The following ZFYVE28 variants were observed in gnomAD, a reference collection of about 807,000 sequenced individuals.
The protein encoded by ZFYVE28 is lateral signaling target protein 2 homolog.
Under a neutral mutation model 82.1 loss-of-function variants are expected in ZFYVE28, and 40 were observed. The observed-to-expected ratio is 0.49, with a 90% CI of 0.38 to 0.63. ZFYVE28 has a LOEUF of 0.63. Ranked by LOEUF, ZFYVE28 falls within the 30% of genes least tolerant of loss-of-function variation. The pLI is 0.00. For missense variants in ZFYVE28, 1,321 were observed against 1,242.1 expected, an observed-to-expected ratio of 1.06 and a Z score of -0.96; for synonymous variants, 612 against 546.1, an observed-to-expected ratio of 1.12 and a Z score of -1.68.
At chr4:2,273,058 G>T (rs1488339026) in intron 10 of ZFYVE28, 115 bp downstream of exon 10, 4 of 845,970 alleles carry the variant, frequency 4.7e-6, no homozygotes, top group African/African-American at 1.7e-5. Context: ...CGATTGCTTG[G>T]TCGGGACCCT....
intron 2 of ZFYVE28, among the ~76,000 whole-genome samples, chr4:2,347,853 A>G (rs1723815762): frequency 6.6e-6 from 1 of 152,142 alleles, no homozygotes. Context: ...TTGCCACATT[A>G]AGAAACTATA....
intron 8 of ZFYVE28, among the ~76,000 whole-genome samples, chr4:2,281,961 C>T (rs1175190946): frequency 2.6e-5 from 4 of 152,126 alleles, no homozygotes; most frequent in South Asian, 2.1e-4. Flanking sequence ...GGGAACAGTA[C>T]GGGTGAGATA....
chr4:2,360,466 AAGCTG>A (rs1471529877), intron 1 of ZFYVE28, among the ~76,000 whole-genome samples: 1 of 151,768 alleles, frequency 6.6e-6, no homozygotes, highest in Admixed American at 6.6e-5. Flanking sequence ...GCTATTTGAA[AAGCTG>A]AGTTAGCCCC....
intron 1 of ZFYVE28, among the ~76,000 whole-genome samples, chr4:2,400,004 C>G (rs1018316557): frequency 6.6e-6 from 1 of 152,232 alleles, no homozygotes; most frequent in Admixed American, 6.5e-5. Flanking sequence ...CCACGCAGCA[C>G]GCACAGGGCG....
chr4:2,298,796 G>A (rs557368291), intron 8 of ZFYVE28, among the ~76,000 whole-genome samples: 23 of 152,204 alleles, frequency 1.5e-4, no homozygotes, highest in African/African-American at 5.5e-4. Flanking sequence ...AGCCTTGACC[G>A]TGTGTCAGGA....
At chr4:2,388,552 C>CA (rs1206370247) in intron 1 of ZFYVE28, among the ~76,000 whole-genome samples, 1 of 152,228 alleles carries the variant, frequency 6.6e-6, no homozygotes, top group African/African-American at 2.4e-5. Context: ...CCCACCCAGG[C>CA]AGCCTCTTTC....
intron 7 of ZFYVE28, among the ~76,000 whole-genome samples, chr4:2,318,547 C>G (rs1196981834): frequency 6.6e-6 from 1 of 152,230 alleles, no homozygotes; most frequent in Non-Finnish European, 1.5e-5. Context: ...GATAAGTCCT[C>G]AAACCCTGAC....
chr4:2,369,850 CTTTTTTTTT>C (rs1408650676), intron 1 of ZFYVE28, among the ~76,000 whole-genome samples: 2 of 61,032 alleles, frequency 3.3e-5, no homozygotes, highest in African/African-American at 1.2e-4. Flanking sequence ...TTTTTCTTTT[CTTTTTTTTT>C]TTTTTTTTTT....
At chr4:2,400,070 C>A (rs764567032) in intron 1 of ZFYVE28, among the ~76,000 whole-genome samples, 1 of 152,206 alleles carries the variant, frequency 6.6e-6, no homozygotes, top group Admixed American at 6.5e-5. Flanking sequence ...GGTCCTTCCC[C>A]GGAGCTCCTC....
chr4:2,306,007 C>T (rs1716517929), intron 7 of ZFYVE28, among the ~76,000 whole-genome samples: 1 of 152,258 alleles, frequency 6.6e-6, no homozygotes. Context: ...GTGGACTTAG[C>T]CTGCAGTTGG....
At chr4:2,296,701 C>A (rs1291987114) in intron 8 of ZFYVE28, among the ~76,000 whole-genome samples, 1 of 152,108 alleles carries the variant, frequency 6.6e-6, no homozygotes, top group African/African-American at 2.4e-5. Context: ...TGTGAGCCTC[C>A]CAGTGAGGGG....
chr4:2,343,442 G>A (rs962046188), intron 2 of ZFYVE28: 1 of 152,108 alleles, frequency 6.6e-6, no homozygotes, highest in Non-Finnish European at 1.5e-5. Flanking sequence ...AAACTCTGAA[G>A]GAAATTCTGC....
At chr4:2,390,417 C>G (rs992063214) in intron 1 of ZFYVE28, among the ~76,000 whole-genome samples, 1 of 152,178 alleles carries the variant, frequency 6.6e-6, no homozygotes, top group African/African-American at 2.4e-5. Flanking sequence ...AGGGCCACCA[C>G]AGGGAGCCCC....
chr4:2,360,529 C>CCAAGTTTCCCA (rs1261073290), intron 1 of ZFYVE28, among the ~76,000 whole-genome samples: 2 of 151,992 alleles, frequency 1.3e-5, no homozygotes, highest in Non-Finnish European at 2.9e-5. Context: ...GAGGAAGAGG[C>CCAAGTTTCCCA]CAAGTTTCCC....
At chr4:2,308,920 G>C (rs1205305580) in intron 7 of ZFYVE28, among the ~76,000 whole-genome samples, 1 of 152,080 alleles carries the variant, frequency 6.6e-6, no homozygotes, top group Admixed American at 6.5e-5. Flanking sequence ...AAAAATTTAT[G>C]GTAATAACAT....
intron 6 of ZFYVE28, among the ~76,000 whole-genome samples, chr4:2,322,335 G>A (rs894196488): frequency 1.3e-5 from 2 of 152,234 alleles, no homozygotes; most frequent in African/African-American, 4.8e-5. Flanking sequence ...GCCAGAAACG[G>A]TGGGTCCAAT....
chr4:2,417,720 A>G lies in ZFYVE28; in HGVS notation c.39+565T>C, dbSNP rs1420118402. 2.0e-5 allele frequency among the ~76,000 whole-genome samples: 3 copies of G among 151,938 alleles called. No individual in the cohort carries two copies. The highest frequency in any genetic ancestry group is 7.3e-5 in the African/African-American group (3 of 41,334). ...CATCAGGATCCTCTCTGGACATGGA[A>G]GGACGGGTCTGCCCTGGACCCAGGG... On this transcript the variant is annotated intron_variant, in intron 1 of 12. Coordinates refer to ENST00000290974, the MANE Select transcript of ZFYVE28 (RefSeq NM_020972.3). This position sits in a 1 kb window ranked among gnomAD's most constrained non-coding sequence, Gnocchi z 4.8.
chr4:2,375,793 C>T (rs1174922937), intron 1 of ZFYVE28, among the ~76,000 whole-genome samples: 1 of 152,204 alleles, frequency 6.6e-6, no homozygotes, highest in Non-Finnish European at 1.5e-5. Flanking sequence ...GATTGGAGCC[C>T]CAGATTTCAG....
In ZFYVE28 at chr4:2,300,656, G is replaced by A. The variant is rs1002468417; in HGVS notation, c.2051+3633C>T. On this transcript the variant is annotated intron_variant, in intron 8 of 12. Coordinates refer to ENST00000290974, the MANE Select transcript of ZFYVE28 (RefSeq NM_020972.3). This position sits in a 1 kb window ranked among gnomAD's most constrained non-coding sequence, Gnocchi z 4.6. ...GGAAGCCCTGTCCTTCCTCCTGGAGGCTGTCGTCTGCCTGGCCAGAAACAC... is the reference window on the plus strand; with the variant it reads ...GGAAGCCCTGTCCTTCCTCCTGGAGACTGTCGTCTGCCTGGCCAGAAACAC... 6.6e-6 allele frequency among the ~76,000 whole-genome samples: 1 copy of A among 152,048 alleles called. No homozygotes were observed. Among genetic ancestry groups the A allele is most frequent in the Admixed American group, 6.6e-5 (1 of 15,258 alleles).
Sources: allele counts gnomAD v4.1 joint callset (sites outside exome capture counted in the v4.1 genomes callset), GRCh38; gene constraint gnomAD v4.1.1; non-coding constraint Gnocchi (gnomAD v3.1); transcripts MANE v1.5; gene names NCBI Gene and HGNC (gene_info 2026-07-23, HGNC 2026-07-21).